The following TMEM65 variants were observed in gnomAD, a reference collection of about 807,000 sequenced individuals.
The protein encoded by TMEM65 is transmembrane protein 65.
Under a neutral mutation model 25.4 loss-of-function variants are expected in TMEM65, and 22 were observed. The observed-to-expected ratio is 0.86, with a 90% CI of 0.62 to 1.23. The LOEUF (loss-of-function observed/expected upper bound fraction) is 1.23, where lower values mean the gene tolerates loss of function less well. Among genes scored for constraint, TMEM65 ranks in the 50% most tolerant of loss-of-function variants. The pLI, the probability that TMEM65 is intolerant of heterozygous loss-of-function variation, is 0.00. For missense variants in TMEM65, 262 were observed against 308.2 expected, an observed-to-expected ratio of 0.85 and a Z score of 1.12; for synonymous variants, 132 against 126.2, an observed-to-expected ratio of 1.05 and a Z score of -0.31.
In TMEM65 at chr8:124,322,144, G is replaced by T. The variant is rs1210210818; in HGVS notation, c.476C>A (p.Ala159Asp). ...IILGISTMAA[A>D]ALGNLVSDLA... The stretch of plus-strand genomic sequence containing the variant: ...ATCTGACACAAGATTTCCCAAAGCA[G>T]CAGCTAAAAATTTGAAAAATAAATA... Residue 159 changes from alanine to aspartate, a missense_variant, in exon 5 of 7, where the codon GCT becomes GAT. By Grantham distance (126) the Ala-to-Asp change is moderately radical. Coordinates refer to ENST00000297632, the MANE Select transcript of TMEM65 (RefSeq NM_194291.3). 6.2e-7 allele frequency: 1 copy of T among 1,606,978 alleles called. No homozygotes were observed. Among genetic ancestry groups the T allele is most frequent in the Non-Finnish European group, 8.5e-7 (1 of 1,176,010 alleles).
At chr8:124,336,271 G>A (rs1163887220) in intron 1 of TMEM65, among the ~76,000 whole-genome samples, 1 of 151,984 alleles carries the variant, frequency 6.6e-6, no homozygotes, top group Non-Finnish European at 1.5e-5. Context: ...CATACTTGGA[G>A]ATATAAAAGC....
intron 1 of TMEM65, among the ~76,000 whole-genome samples, chr8:124,343,280 T>A (rs1031074779): frequency 6.6e-6 from 1 of 152,164 alleles, no homozygotes; most frequent in African/African-American, 2.4e-5. Flanking sequence ...TAACAGTTAC[T>A]GGAAGTCCTA....
intron 1 of TMEM65, among the ~76,000 whole-genome samples, chr8:124,356,473 A>G (rs888146494): frequency 5.3e-5 from 8 of 152,170 alleles, no homozygotes; most frequent in Non-Finnish European, 8.8e-5. Flanking sequence ...AAATCAAGCT[A>G]TTGCCCAACA....
At chr8:124,367,245 C>T (rs374252748) in intron 1 of TMEM65, among the ~76,000 whole-genome samples, 1 of 152,164 alleles carries the variant, frequency 6.6e-6, no homozygotes, top group African/African-American at 2.4e-5. Flanking sequence ...AGGCTAAGCT[C>T]GGTGGATCAC....
chr8:124,333,623 C>A (rs1814464703), intron 1 of TMEM65, among the ~76,000 whole-genome samples: 1 of 152,242 alleles, frequency 6.6e-6, no homozygotes, highest in Admixed American at 6.5e-5. Flanking sequence ...GGCTGAGTAA[C>A]CTCTTATCAG....
At chr8:124,371,038 C>A (rs66538719) in intron 1 of TMEM65, among the ~76,000 whole-genome samples, 13,447 of 152,202 alleles carry the variant, frequency 0.088, 639 homozygotes, top group East Asian at 0.15. Context: ...TCAAATTCTG[C>A]CCTACCCCAT....
intron 1 of TMEM65, among the ~76,000 whole-genome samples, chr8:124,335,642 T>C (rs566374850): frequency 2.0e-5 from 3 of 152,074 alleles, no homozygotes; most frequent in Non-Finnish European, 4.4e-5. Context: ...GAAAATAAAA[T>C]GGTCCAATAT....
chr8:124,339,222 AATATATATATATATATATAT>A, intron 1 of TMEM65, among the ~76,000 whole-genome samples: 1 of 19,904 alleles, frequency 5.0e-5, no homozygotes, highest in Non-Finnish European at 7.9e-5. Context: ...AAAAAAAAAA[AATATATATATATATATATAT>A]ATATATAAAA....
chr8:124,323,808 T>C (rs1308613238), intron 3 of TMEM65, among the ~76,000 whole-genome samples: 2 of 152,034 alleles, frequency 1.3e-5, no homozygotes, highest in African/African-American at 2.4e-5. Flanking sequence ...TCTAGGGAAA[T>C]TGGGGTTTAT....
intron 1 of TMEM65, among the ~76,000 whole-genome samples, chr8:124,349,473 T>C (rs146533763): frequency 6.6e-6 from 1 of 152,324 alleles, no homozygotes; most frequent in African/African-American, 2.4e-5. Flanking sequence ...TGGAAACTAT[T>C]ACATGGTTCC....
In TMEM65 at chr8:124,322,232, G is replaced by T. The variant is rs918558947; in HGVS notation, c.473-85C>A. On this transcript the variant is annotated intron_variant, in intron 4 of 6. Transcript: ENST00000297632. ...AATCAATAAAGCACTGATCTTGGAA[G>T]AGTTCTCATATTTCTCAAACAACAG... is the stretch of plus-strand genomic sequence containing the variant. 8.8e-6 allele frequency: 9 copies of T among 1,022,970 alleles called. No homozygotes were observed. In the African/African-American group the frequency reaches 1.5e-4, roughly 17 times the overall value. The allele number at this position is 1,022,970 out of a possible 1,614,324, so 63.4% of individuals were successfully genotyped here.
rs1241026377 is a variant in TMEM65, at chr8:124,311,639, G to A, written c.*2321C>T. On this transcript the variant is annotated 3_prime_UTR_variant, in exon 7 of 7. Coordinates refer to ENST00000297632, the MANE Select transcript of TMEM65 (RefSeq NM_194291.3). ...AGTTCCAGTTTCAACCTAAATTAAA[G>A]TTATTTGTGGCAAGTAACATGAAAC... 1.3e-5 allele frequency: 2 copies of A among 152,214 alleles called. No homozygotes were observed. Among genetic ancestry groups the A allele is most frequent in the African/African-American group, 4.8e-5 (2 of 41,386 alleles). The allele number at this position is 152,214 out of a possible 1,614,324, so 9.4% of individuals were successfully genotyped here.
chr8:124,346,364 G>A (rs6985308), intron 1 of TMEM65, among the ~76,000 whole-genome samples: 136,858 of 152,184 alleles, frequency 0.9, 61,667 homozygotes, highest in East Asian at 1. Flanking sequence ...ACACTTTACA[G>A]GGTGTGTAAA....
intron 1 of TMEM65, among the ~76,000 whole-genome samples, chr8:124,359,176 G>GA (rs1363566752): frequency 1.3e-4 from 20 of 152,196 alleles, no homozygotes; most frequent in Admixed American, 9.2e-4. Context: ...CTTACGTAGG[G>GA]AAAAATCACT....
At chr8:124,336,420 G>A (rs751481136) in intron 1 of TMEM65, among the ~76,000 whole-genome samples, 3 of 151,936 alleles carry the variant, frequency 2.0e-5, no homozygotes, top group African/African-American at 4.8e-5. Flanking sequence ...ATTTTCAAGT[G>A]CAGATGGCAC....
Position 124,371,968 on chromosome 8 carries a change from C to G in TMEM65, c.190G>C (p.Glu64Gln), listed in dbSNP as rs1291032727. 6.7e-7 allele frequency: 1 copy of G among 1,497,190 alleles called. No homozygotes were observed. The highest frequency in any genetic ancestry group is 8.9e-7 in the Non-Finnish European group (1 of 1,126,028). 92.7% of individuals were successfully genotyped at this position (1,497,190 alleles called of 1,614,324 possible). A position where few individuals can be genotyped will look rare whatever the true frequency, so the allele number is the denominator to read the frequency against. Residue 64 changes from glutamate to glutamine, a missense_variant, in exon 1 of 7, where the codon GAG (glutamate) becomes CAG (glutamine). Coordinates refer to ENST00000297632, the MANE Select transcript of TMEM65 (RefSeq NM_194291.3). ...LGTHPKKEPM[E>Q]ALNTAQGARD... ...GCGCCCTGCGCCGTGTTCAGCGCCT[C>G]CATGGGCTCCTTCTTGGGGTGCGTG...
chr8:124,361,921 G>A (rs376189775), intron 1 of TMEM65, among the ~76,000 whole-genome samples: 1 of 151,524 alleles, frequency 6.6e-6, no homozygotes, highest in African/African-American at 2.4e-5. Flanking sequence ...ATGGAGTTTC[G>A]CTCTTATAGC....
chr8:124,371,697 C>A (rs1164111797), intron 1 of TMEM65, among the ~76,000 whole-genome samples, 157 bp downstream of exon 1: 1 of 152,206 alleles, frequency 6.6e-6, no homozygotes, highest in Non-Finnish European at 1.5e-5. Context: ...TCTCCCCGCC[C>A]CCAGCCGTCC....
chr8:124,339,662 T>C (rs1169878578), intron 1 of TMEM65, among the ~76,000 whole-genome samples: 1 of 152,044 alleles, frequency 6.6e-6, no homozygotes, highest in Non-Finnish European at 1.5e-5. Flanking sequence ...ATTTGAGTTT[T>C]GAGCTCACTG....
Sources: allele counts gnomAD v4.1 joint callset (sites outside exome capture counted in the v4.1 genomes callset), GRCh38; gene constraint gnomAD v4.1.1; transcripts MANE v1.5; gene names NCBI Gene and HGNC (gene_info 2026-07-23, HGNC 2026-07-21).